Variants in NFATC2 observed in about 807,000 individuals in gnomAD.
The protein encoded by NFATC2 is nuclear factor of activated T-cells, cytoplasmic 2.
NFATC2 carries 22 observed loss-of-function variants against 87.3 expected under a neutral mutation model. The observed-to-expected ratio is 0.25, with a 90% CI of 0.18 to 0.36. The LOEUF is 0.36. Ranked by LOEUF, NFATC2 falls within the 10% of genes least tolerant of loss-of-function variation. NFATC2 has a pLI of 1.00. For synonymous variants in NFATC2, 565 were observed against 542.2 expected, an observed-to-expected ratio of 1.04 and a Z score of -0.58; for missense variants, 1,149 against 1,259.1, an observed-to-expected ratio of 0.91 and a Z score of 1.32.
intron 3 of NFATC2, among the ~76,000 whole-genome samples, chr20:51,487,229 C>T (rs1469252912): frequency 6.6e-6 from 1 of 152,236 alleles, no homozygotes; most frequent in Non-Finnish European, 1.5e-5. Context: ...TGCAGAAACT[C>T]CGTGCAAGCA....
At chr20:51,453,236 C>T (rs923016352) in intron 6 of NFATC2, among the ~76,000 whole-genome samples, 9 of 152,252 alleles carry the variant, frequency 5.9e-5, no homozygotes, top group Admixed American at 2.6e-4. Context: ...ATGATTTGTG[C>T]GAGACTGGAA....
rs1008306967 is a variant in NFATC2, at chr20:51,431,984, C to T, written c.2722+83G>A. 3.5e-5 allele frequency: 48 copies of T among 1,384,440 alleles called. 1 individual carries two copies. Among genetic ancestry groups the T allele is most frequent in the South Asian group, 6.3e-5 (4 of 63,084 alleles). The allele number at this position is 1,384,440 out of a possible 1,614,324, so 85.8% of individuals were successfully genotyped here. A position where few individuals can be genotyped will look rare whatever the true frequency, so the allele number is the denominator to read the frequency against. On this transcript the variant is annotated intron_variant, in intron 9 of 10. Transcript: ENST00000371564. ...TGAGGCCCAAAGAGATTACGGAATC[C>T]GTAGGCCATGCAGTGAACTTCCTGG... is the stretch of plus-strand genomic sequence containing the variant.
At position 51,492,911 on chromosome 20, in the gene NFATC2, T is replaced by C. The variant is rs1600863349; in HGVS notation, c.1333-17251A>G. The stretch of plus-strand genomic sequence containing the variant: ...GCCCTGGGTTCCTCGGTCAGCGACG[T>C]ATCCACGGGCTCATGGAACTGTAGC... On this transcript the variant is annotated intron_variant, in intron 3 of 10. Coordinates refer to ENST00000371564, the MANE Select transcript of NFATC2 (RefSeq NM_012340.5). Among the ~76,000 whole-genome samples the C allele has an allele frequency of 3.3e-5, 5 of 152,372 alleles. No homozygotes were observed. The South Asian group carries it at 1.0e-3, about 32-fold the overall frequency.
chr20:51,464,274 G>A (rs1480138997), intron 5 of NFATC2, among the ~76,000 whole-genome samples: 1 of 152,252 alleles, frequency 6.6e-6, no homozygotes, highest in Non-Finnish European at 1.5e-5. Flanking sequence ...GAGTTACCCT[G>A]TGGGATCACG....
chr20:51,391,474 G>A (rs6096403), intron 10 of NFATC2, 23 bp from the exon 11 acceptor site: 10 of 1,585,030 alleles, frequency 6.3e-6, no homozygotes, highest in African/African-American at 4.4e-5. Context: ...AGAGGAGGGG[G>A]GGGGAGAGAG....
At chr20:51,560,255 G>T (rs1288110883) in intron 1 of NFATC2, among the ~76,000 whole-genome samples, 1 of 152,206 alleles carries the variant, frequency 6.6e-6, no homozygotes, top group Non-Finnish European at 1.5e-5. Context: ...GATGAGAAAA[G>T]TGTGGCACAG....
chr20:51,427,133 C>G (rs535400145), intron 9 of NFATC2, among the ~76,000 whole-genome samples: 1 of 152,118 alleles, frequency 6.6e-6, no homozygotes, highest in African/African-American at 2.4e-5. Context: ...CCCCCATGTT[C>G]TCTCATCTGT....
intron 5 of NFATC2, among the ~76,000 whole-genome samples, chr20:51,465,153 C>G (rs1331081592): frequency 6.6e-6 from 1 of 152,106 alleles, no homozygotes; most frequent in Admixed American, 6.6e-5. Context: ...TTTGGGAGGC[C>G]AAGGCAGGTG....
At chr20:51,416,222 G>A (rs188446689) in intron 9 of NFATC2, among the ~76,000 whole-genome samples, 33 of 152,244 alleles carry the variant, frequency 2.2e-4, no homozygotes, top group African/African-American at 7.0e-4. Context: ...AGATCACACC[G>A]CTGCACTCCA....
In NFATC2 at chr20:51,523,944, G is replaced by A. The variant is rs1210174951; in HGVS notation, c.297C>T (p.Ser99=). 1.9e-6 allele frequency: 3 copies of A among 1,595,036 alleles called. No homozygotes were observed. The highest frequency in any genetic ancestry group is 1.4e-5 in the African/African-American group (1 of 73,478). Reference sequence around the variant, plus strand: ...CCGAGGCCCCTGCTGGCTTGGCCGCGCTCAGAAACTTCTGCGGCCCTACCC... The same window carrying A: ...CCGAGGCCCCTGCTGGCTTGGCCGCACTCAGAAACTTCTGCGGCCCTACCC... ...PDRVGPQKFL[S]AAKPAGASGL... The change falls in exon 2 of 11, where the codon AGC becomes AGT. Residue 99 remains serine (S), a synonymous_variant. Coordinates refer to ENST00000371564, the MANE Select transcript of NFATC2 (RefSeq NM_012340.5). This position sits in a 1 kb window ranked among gnomAD's most constrained non-coding sequence, Gnocchi z 6.9.
At chr20:51,493,131 A>T (rs1413238327) in intron 3 of NFATC2, among the ~76,000 whole-genome samples, 1 of 152,228 alleles carries the variant, frequency 6.6e-6, no homozygotes, top group African/African-American at 2.4e-5. Context: ...ACTGGGGGCT[A>T]GGGAGTCGGC....
intron 1 of NFATC2, among the ~76,000 whole-genome samples, chr20:51,555,691 G>A (rs1434098397): frequency 5.3e-5 from 8 of 151,962 alleles, no homozygotes; most frequent in Non-Finnish European, 1.2e-4. Flanking sequence ...GCTCCTTGCT[G>A]TTCACTGAGC....
intron 1 of NFATC2, among the ~76,000 whole-genome samples, chr20:51,538,206 A>G (rs753943681): frequency 6.6e-6 from 1 of 152,248 alleles, no homozygotes; most frequent in African/African-American, 2.4e-5. Context: ...ATCTGATGCC[A>G]CAACCACCTT....
intron 3 of NFATC2, among the ~76,000 whole-genome samples, chr20:51,515,395 C>T (rs1166932379): frequency 6.6e-6 from 1 of 152,236 alleles, no homozygotes; most frequent in African/African-American, 2.4e-5. Context: ...AAGGGCTACT[C>T]CAGGCCTGCC....
intron 1 of NFATC2, among the ~76,000 whole-genome samples, chr20:51,561,015 C>T (rs986930937): frequency 6.6e-6 from 1 of 152,138 alleles, no homozygotes; most frequent in East Asian, 1.9e-4. Context: ...ACCCCCACCA[C>T]GAGAACATCA....
At chr20:51,415,841 C>T (rs1979969056) in intron 9 of NFATC2, among the ~76,000 whole-genome samples, 1 of 152,118 alleles carries the variant, frequency 6.6e-6, no homozygotes, top group Non-Finnish European at 1.5e-5. Context: ...TTCTTTCTTG[C>T]CAATGTTGTC....
intron 3 of NFATC2, among the ~76,000 whole-genome samples, chr20:51,492,565 C>A (rs1011405948): frequency 1.3e-5 from 2 of 152,338 alleles, no homozygotes; most frequent in Middle Eastern, 3.4e-3. Context: ...CTTTTCCGGC[C>A]GAGGAACACC....
At chr20:51,521,257 G>A (rs1048566850) in intron 2 of NFATC2, among the ~76,000 whole-genome samples, 1 of 152,310 alleles carries the variant, frequency 6.6e-6, no homozygotes, top group African/African-American at 2.4e-5. Flanking sequence ...CAGGGCCCGA[G>A]GCCACCCTCA....
chr20:51,492,259 G>T (rs890847241), intron 3 of NFATC2, among the ~76,000 whole-genome samples: 7 of 151,560 alleles, frequency 4.6e-5, no homozygotes, highest in African/African-American at 1.5e-4. Flanking sequence ...GCCTCCACCC[G>T]CTGGCACCAC....
Sources: allele counts gnomAD v4.1 joint callset (sites outside exome capture counted in the v4.1 genomes callset), GRCh38; gene constraint gnomAD v4.1.1; non-coding constraint Gnocchi (gnomAD v3.1); transcripts MANE v1.5; gene names NCBI Gene and HGNC (gene_info 2026-07-23, HGNC 2026-07-21).